Variants in PLCG2 observed in about 807,000 individuals in gnomAD.
PLCG2 encodes phospholipase C gamma 2, also known as 1-phosphatidylinositol 4,5-bisphosphate phosphodiesterase gamma-2.
Under a neutral mutation model 175.6 loss-of-function variants are expected in PLCG2, and 69 were observed. The observed-to-expected ratio is 0.39, with a 90% CI of 0.32 to 0.48. The LOEUF (loss-of-function observed/expected upper bound fraction) is 0.48, where lower values mean the gene tolerates loss of function less well. Among genes scored for constraint, PLCG2 ranks in the 20% least tolerant of loss-of-function variants. PLCG2 has a pLI of 0.91. For synonymous variants in PLCG2, 827 were observed against 624.0 expected (o/e 1.33, Z -4.85); for missense variants, 1,798 against 1,650.9 (o/e 1.09, Z -1.54).
At chr16:81,876,814 G>T (rs1224044117) in intron 7 of PLCG2, among the ~76,000 whole-genome samples, 22 of 152,134 alleles carry the variant, frequency 1.4e-4, no homozygotes, top group Admixed American at 1.4e-3. Context: ...ACCCTCCATG[G>T]TAATGCCGAA....
intron 1 of PLCG2, among the ~76,000 whole-genome samples, chr16:81,745,051 T>C (rs1476805359): frequency 6.6e-6 from 1 of 152,210 alleles, no homozygotes; most frequent in Admixed American, 6.5e-5. Context: ...GTTGATTCCA[T>C]AAACATTCAG....
At chr16:81,853,917 T>C (rs1906550286) in intron 2 of PLCG2, among the ~76,000 whole-genome samples, 1 of 152,224 alleles carries the variant, frequency 6.6e-6, no homozygotes, top group Admixed American at 6.5e-5. Flanking sequence ...TGGCCTCTTA[T>C]TATTATTTTT....
intron 3 of PLCG2, among the ~76,000 whole-genome samples, chr16:81,855,872 C>T (rs4998545): frequency 0.52 from 79,512 of 151,862 alleles, 21,028 homozygotes; most frequent in East Asian, 0.6. Context: ...GAATGTCTGA[C>T]TGATGATATG....
chr16:81,768,586 A>G (rs1450856853), intron 2 of PLCG2, among the ~76,000 whole-genome samples: 5 of 108,238 alleles, frequency 4.6e-5, no homozygotes, highest in South Asian at 3.1e-4. Context: ...TTTTCCCGAG[A>G]TGGAGTTTCG....
At position 81,958,149 on chromosome 16, in the gene PLCG2, G is replaced by A; in HGVS notation, c.*151G>A. On this transcript the variant is annotated 3_prime_UTR_variant, in exon 33 of 33. Transcript: ENST00000564138. ...AAGGACATTTCTTAAGACCCAACTG[G>A]CATGAGTTGGGGTAATTTCCTATTA... 4 of 629,870 alleles carry A rather than the reference G, an allele frequency of 6.4e-6. 1 individual carries two copies. The South Asian group carries it at 7.9e-5, about 12-fold the overall frequency. 39.0% of individuals were successfully genotyped at this position (629,870 alleles called of 1,614,324 possible). A position where few individuals can be genotyped will look rare whatever the true frequency, so the allele number is the denominator to read the frequency against.
chr16:81,743,576 C>T (rs951486145), intron 1 of PLCG2, among the ~76,000 whole-genome samples: 2 of 152,204 alleles, frequency 1.3e-5, no homozygotes, highest in African/African-American at 4.8e-5. Context: ...ATGGGCACCT[C>T]ATGCACCCTG....
chr16:81,934,322 C>T lies in PLCG2; in HGVS notation c.2740-107C>T, dbSNP rs540340992. ...AAAACATTCAACCATATTAAAGATC[C>T]GAGTGTGCAAGAAAGCAAAGTGGGG... On this transcript the variant is annotated intron_variant, in intron 25 of 32. Transcript: ENST00000564138. The T allele has an allele frequency of 1.3e-4, 86 of 683,834 alleles. 1 individual carries two copies. Among genetic ancestry groups the T allele is most frequent in the African/African-American group, 4.8e-4 (27 of 55,806 alleles). 42.4% of individuals were successfully genotyped at this position (683,834 alleles called of 1,614,324 possible).
At chr16:81,826,927 G>T (rs1597340429) in intron 2 of PLCG2, among the ~76,000 whole-genome samples, 1 of 152,324 alleles carries the variant, frequency 6.6e-6, no homozygotes, top group East Asian at 1.9e-4. Flanking sequence ...GAGATCCGCA[G>T]AACCAGCCTC....
At chr16:81,789,905 G>A (rs530818861) in intron 2 of PLCG2, among the ~76,000 whole-genome samples, 19 of 150,226 alleles carry the variant, frequency 1.3e-4, no homozygotes, top group Non-Finnish European at 7.4e-5. Context: ...CGCCCTAGGC[G>A]CTAGAGATAC....
chr16:81,828,768 C>T (rs1487892994), intron 2 of PLCG2, among the ~76,000 whole-genome samples: 1 of 152,210 alleles, frequency 6.6e-6, no homozygotes, highest in African/African-American at 2.4e-5. Flanking sequence ...AACAATGTGG[C>T]ATTTTCCTGA....
At position 81,835,950 on chromosome 16, in the gene PLCG2, C is replaced by A. The variant is rs552438794; in HGVS notation, c.194-18494C>A. On this transcript the variant is annotated intron_variant, in intron 2 of 32. Transcript: ENST00000564138. ...AAGGACAGTAGTCTTGGGTTAGGAC[C>A]CACCCTAATCCAGCATGAGCTCATC... Among the ~76,000 whole-genome samples, 5 of 152,188 alleles carry A rather than the reference C, an allele frequency of 3.3e-5. No individual in the cohort carries two copies. The East Asian group carries it at 9.6e-4, about 29-fold the overall frequency.
At chr16:81,931,890 G>T (rs892034993) in intron 25 of PLCG2, among the ~76,000 whole-genome samples, 1 of 152,198 alleles carries the variant, frequency 6.6e-6, no homozygotes, top group African/African-American at 2.4e-5. Context: ...CCTTCAGAAG[G>T]CTGAGTGCCT....
intron 2 of PLCG2, among the ~76,000 whole-genome samples, chr16:81,798,252 C>T (rs1347265778): frequency 1.3e-5 from 2 of 152,198 alleles, no homozygotes; most frequent in Non-Finnish European, 2.9e-5. Flanking sequence ...CACAGGGTGC[C>T]TCCCAGCCAT....
At chr16:81,848,106 G>C (rs1430660280) in intron 2 of PLCG2, among the ~76,000 whole-genome samples, 2 of 152,210 alleles carry the variant, frequency 1.3e-5, no homozygotes, top group African/African-American at 4.8e-5. Flanking sequence ...CCAGTAATCA[G>C]TACAGGTGAT....
At chr16:81,923,656 T>C in intron 22 of PLCG2, 62 bp downstream of exon 22, 1 of 1,027,490 alleles carries the variant, frequency 9.7e-7, no homozygotes, top group South Asian at 1.3e-5. Context: ...TTCTTGGTGA[T>C]AAGACTCAGG....
chr16:81,882,032 A>C (rs1265225609), intron 8 of PLCG2, among the ~76,000 whole-genome samples: 1 of 152,218 alleles, frequency 6.6e-6, no homozygotes, highest in Non-Finnish European at 1.5e-5. Context: ...TGTACTCATA[A>C]TCAAAGACAA....
rs889488466 is a variant in PLCG2, at chr16:81,961,926, G to A, written c.*3928G>A. ...GCATAAAATGTTAAGATTGCTGATC[G>A]GATGTGAGGGCGATCTGGCTGCGAC... is the stretch of plus-strand genomic sequence containing the variant. On this transcript the variant is annotated 3_prime_UTR_variant, in exon 33 of 33. Coordinates refer to ENST00000564138, the MANE Select transcript of PLCG2 (RefSeq NM_002661.5). 3.5e-5 allele frequency: 7 copies of A among 198,326 alleles called. No individual in the cohort carries two copies. Among genetic ancestry groups the A allele is most frequent in the Non-Finnish European group, 6.3e-5 (6 of 95,694 alleles). The allele number at this position is 198,326 out of a possible 1,614,324, so 12.3% of individuals were successfully genotyped here.
intron 2 of PLCG2, among the ~76,000 whole-genome samples, chr16:81,809,744 C>T (rs186596610): frequency 7.1e-4 from 106 of 148,322 alleles, no homozygotes; most frequent in African/African-American, 2.4e-3. Context: ...ATTGGCTAGC[C>T]TTGTCACTTC....
chr16:81,847,361 G>C (rs780306116), intron 2 of PLCG2, among the ~76,000 whole-genome samples: 4 of 152,110 alleles, frequency 2.6e-5, no homozygotes, highest in Admixed American at 2.0e-4. Context: ...AATTACAAAG[G>C]CATGATTGAT....
Sources: gnomAD v4.1 joint callset for allele counts (sites outside exome capture counted in the v4.1 genomes callset) on GRCh38, gnomAD v4.1.1 for gene constraint, MANE v1.5 for transcripts, NCBI Gene and HGNC (gene_info 2026-07-23, HGNC 2026-07-21) for gene names.